SPINK5: variants seen among roughly 807,000 people sequenced by gnomAD.
The protein encoded by SPINK5 is serine peptidase inhibitor Kazal type 5.
In SPINK5, 125 loss-of-function variants were observed where a neutral mutation model predicts 151.8. The ratio of observed to expected loss-of-function variants is 0.82; its 90% CI spans 0.71 to 0.96. The LOEUF is 0.96. Among genes scored for constraint, SPINK5 ranks in the 40% least tolerant of loss-of-function variants. SPINK5 has a pLI of 0.00. For synonymous variants in SPINK5, 374 were observed against 395.3 expected (o/e 0.95, Z 0.64); for missense variants, 1,194 against 1,291.9 (o/e 0.92, Z 1.16).
intron 19 of SPINK5, among the ~76,000 whole-genome samples, chr5:148,112,388 A>C (rs1247116733): frequency 6.6e-6 from 1 of 152,194 alleles, no homozygotes; most frequent in Non-Finnish European, 1.5e-5. Flanking sequence ...CTTAAGAACA[A>C]GAACGGCTGG....
At chr5:148,106,987 G>T in intron 16 of SPINK5, 50 bp from the exon 17 acceptor site, 2 of 1,601,988 alleles carry the variant, frequency 1.2e-6, no homozygotes, top group African/African-American at 1.3e-5. Flanking sequence ...AGGAAAAGAT[G>T]CAGGAAGGAT....
In SPINK5 at chr5:148,120,381, A is replaced by C. The variant is rs1184489461; in HGVS notation, c.2528A>C (p.Asn843Thr). The C allele has an allele frequency of 1.3e-5, 20 of 1,599,514 alleles. No individual in the cohort carries two copies. Among genetic ancestry groups the C allele is most frequent in the Non-Finnish European group, 1.6e-5 (19 of 1,171,966 alleles). Reference protein sequence around the residue: ...GERSNTGERSNDKEDLCREFR... With the variant: ...GERSNTGERSTDKEDLCREFR... ...AGGAGCAATACAGGAGAAAGGAGCA[A>C]TGACAAAGAGGTAATAGATGTTAGA... Residue 843 changes from asparagine to threonine, a missense_variant, in exon 26 of 33, where the codon AAT becomes ACT. Asn to Thr is a moderately conservative substitution (Grantham distance 65). Coordinates refer to ENST00000256084, the MANE Select transcript of SPINK5 (RefSeq NM_006846.4).
Position 148,072,223 on chromosome 5 carries a change from G to A in SPINK5, c.282+3G>A. The A allele has an allele frequency of 6.2e-7, 1 of 1,611,896 alleles. No homozygotes were observed. The highest frequency in any genetic ancestry group is 8.5e-7 in the Non-Finnish European group (1 of 1,178,392). Reference sequence around the variant, plus strand: ...CCAAGGCTACTGCCCCAACAGAGGTGAGACTATTTGGAGCCAACCTGTTTA... The same window carrying A: ...CCAAGGCTACTGCCCCAACAGAGGTAAGACTATTTGGAGCCAACCTGTTTA... On this transcript the variant is annotated splice_donor_region_variant and intron_variant, in intron 4 of 32. Transcript: ENST00000256084.
intron 5 of SPINK5, 50 bp downstream of exon 5, chr5:148,086,582 A>G (rs1396693940): frequency 6.3e-7 from 1 of 1,598,714 alleles, no homozygotes; most frequent in Non-Finnish European, 8.5e-7. Flanking sequence ...TTCTCTCTAT[A>G]ATTACATGAC....
intron 7 of SPINK5, 116 bp downstream of exon 7, chr5:148,089,737 C>A (rs1466388905): frequency 6.8e-6 from 10 of 1,466,304 alleles, no homozygotes; most frequent in African/African-American, 4.2e-5. Flanking sequence ...TTTGTCTTTA[C>A]ACTGTGAAAT....
At chr5:148,084,780 C>T (rs944407855) in intron 4 of SPINK5, among the ~76,000 whole-genome samples, 1 of 151,802 alleles carries the variant, frequency 6.6e-6, no homozygotes, top group Non-Finnish European at 1.5e-5. Context: ...AAATCCTTTG[C>T]AATTGCCGTT....
intron 4 of SPINK5, among the ~76,000 whole-genome samples, chr5:148,084,454 A>C (rs900397978): frequency 1.3e-5 from 2 of 151,792 alleles, no homozygotes; most frequent in South Asian, 4.1e-4. Context: ...AGGGGTTTGG[A>C]GGGGAAGGAG....
chr5:148,091,146 T>G lies in SPINK5; in HGVS notation c.603-19T>G. On this transcript the variant is annotated intron_variant, in intron 7 of 32. Coordinates refer to ENST00000256084, the MANE Select transcript of SPINK5 (RefSeq NM_006846.4). The stretch of plus-strand genomic sequence containing the variant: ...ATGATTGAGTCATAAACTGACCAAC[T>G]GTTTACTTTTCTTAACAGTTTAAAA... The G allele has an allele frequency of 6.2e-7, 1 of 1,606,706 alleles. No homozygotes were observed. Among genetic ancestry groups the G allele is most frequent in the Non-Finnish European group, 8.5e-7 (1 of 1,174,942 alleles).
chr5:148,123,864 G>T lies in SPINK5; in HGVS notation c.2570G>T (p.Arg857Ile). The change falls in exon 27 of 33, where the codon AGA (arginine) becomes ATA (isoleucine). Residue 857 changes from arginine (R) to isoleucine (I), a missense_variant. Arg to Ile is a moderately conservative substitution (Grantham distance 97). Transcript: ENST00000256084. ...TGTCGTGAATTTCGAAGCATGCAGAGAAATGGAAAGCTTATCTGCACCAGA... is the reference window on the plus strand; with the variant it reads ...TGTCGTGAATTTCGAAGCATGCAGATAAATGGAAAGCTTATCTGCACCAGA... ...DLCREFRSMQ[R>I]NGKLICTREN... 6.2e-7 allele frequency: 1 copy of T among 1,614,002 alleles called. No individual in the cohort carries two copies. Among genetic ancestry groups the T allele is most frequent in the Non-Finnish European group, 8.5e-7 (1 of 1,179,986 alleles).
In SPINK5 at chr5:148,111,854, G is replaced by T; in HGVS notation, c.1779G>T (p.Gly593=). ...RENDPIEGLD[G]KIHGNTCSMC... ...ATGATCCTATTGAGGGTCTAGATGG[G>T]AAAATCCACGGCAACACCTGCTCCA... Residue 593 remains glycine, a synonymous_variant, in exon 19 of 33, where the codon GGG becomes GGT. Coordinates refer to ENST00000256084, the MANE Select transcript of SPINK5 (RefSeq NM_006846.4). 1.9e-6 allele frequency: 3 copies of T among 1,614,038 alleles called. No homozygotes were observed. Among genetic ancestry groups the T allele is most frequent in the Non-Finnish European group, 2.5e-6 (3 of 1,179,952 alleles).
In SPINK5 at chr5:148,118,478, A is replaced by G. The variant is rs1561700171; in HGVS notation, c.2154A>G (p.Arg718=). Residue 718 remains arginine (R), a synonymous_variant, in exon 23 of 33, where the codon AGA becomes AGG. Transcript: ENST00000256084. ...AEYREQMKNG[R]LSCTRESDPV... is the part of the protein sequence containing the mutation. ...ATCGGGAACAAATGAAAAATGGAAG[A>G]CTCAGCTGTACTCGGGAGAGTGATC... The G allele has an allele frequency of 3.1e-6, 5 of 1,614,096 alleles. No homozygotes were observed. The highest frequency in any genetic ancestry group is 4.2e-6 in the Non-Finnish European group (5 of 1,180,000).
In SPINK5 at chr5:148,100,449, G is replaced by A. The variant is rs764183319; in HGVS notation, c.1093-5G>A. On this transcript the variant is annotated splice_region_variant and splice_polypyrimidine_tract_variant and intron_variant, in intron 12 of 32. Transcript: ENST00000256084. The stretch of plus-strand genomic sequence containing the variant: ...ATGGCCAACTTACTTCTTCTATCTC[G>A]GCAGGAGCTTTGCAGTGAATATCGA... The A allele has an allele frequency of 2.4e-5, 38 of 1,610,564 alleles. 1 individual carries two copies. Among genetic ancestry groups the A allele is most frequent in the South Asian group, 9.9e-5 (9 of 91,016 alleles).
At chr5:148,108,629 A>G (rs1753840339) in intron 17 of SPINK5, 124 bp from the exon 18 acceptor site, 1 of 1,373,296 alleles carries the variant, frequency 7.3e-7, no homozygotes, top group Non-Finnish European at 1.0e-6. Flanking sequence ...CTCTCAGACT[A>G]GATAAATTTG....
chr5:148,114,404 C>G lies in SPINK5; in HGVS notation c.1930C>G (p.Leu644Val). The change falls in exon 21 of 33, where the codon CTT (leucine) becomes GTT (valine). Residue 644 changes from leucine (L) to valine (V), a missense_variant. Coordinates refer to ENST00000256084, the MANE Select transcript of SPINK5 (RefSeq NM_006846.4). ...TCGGAGACTTTTGCAAAATGGAAAA[C>G]TTTTCTGCACAAGAGAAAATGATCC... ...EFRRLLQNGK[L>V]FCTRENDPVR... 1 of 1,612,912 alleles carries G rather than the reference C, an allele frequency of 6.2e-7. No individual in the cohort carries two copies. Among genetic ancestry groups the G allele is most frequent in the Non-Finnish European group, 8.5e-7 (1 of 1,179,326 alleles).
At chr5:148,099,209 C>T in intron 11 of SPINK5, 25 bp from the exon 12 acceptor site, 1 of 1,590,624 alleles carries the variant, frequency 6.3e-7, no homozygotes. Flanking sequence ...CCTAATGGAT[C>T]TGCTTCTTTT....
chr5:148,070,557 G>A, intron 3 of SPINK5, 107 bp downstream of exon 3: 1 of 1,459,300 alleles, frequency 6.9e-7, no homozygotes, highest in Non-Finnish European at 9.5e-7. Context: ...AAACCGAAAT[G>A]GTTAAATAAA....
intron 26 of SPINK5, among the ~76,000 whole-genome samples, chr5:148,121,370 G>T (rs1754261105): frequency 6.6e-6 from 1 of 151,776 alleles, no homozygotes; most frequent in South Asian, 2.1e-4. Context: ...TCCCTGGGAA[G>T]ATTTTTCCTA....
At chr5:148,109,933 T>C (rs1430089516) in intron 18 of SPINK5, among the ~76,000 whole-genome samples, 1 of 152,190 alleles carries the variant, frequency 6.6e-6, no homozygotes, top group Non-Finnish European at 1.5e-5. Flanking sequence ...TTATTCTACA[T>C]TGTTCTCCAT....
intron 19 of SPINK5, among the ~76,000 whole-genome samples, chr5:148,112,504 C>G (rs1753964632): frequency 6.6e-6 from 1 of 151,974 alleles, no homozygotes; most frequent in Non-Finnish European, 1.5e-5. Flanking sequence ...GAAACCCCAC[C>G]TTTACTAAAA....
Sources: gnomAD v4.1 joint callset for allele counts (sites outside exome capture counted in the v4.1 genomes callset) on GRCh38, gnomAD v4.1.1 for gene constraint, MANE v1.5 for transcripts, NCBI Gene and HGNC (gene_info 2026-07-23, HGNC 2026-07-21) for gene names.